MCC: variants seen among roughly 807,000 people sequenced by gnomAD.
The protein encoded by MCC is colorectal mutant cancer protein.
In MCC, 90 loss-of-function variants were observed where a neutral mutation model predicts 116.2. The observed-to-expected ratio is 0.77, with a 90% confidence interval of 0.65 to 0.92. The LOEUF is 0.92. Among genes scored for constraint, MCC ranks in the 40% least tolerant of loss-of-function variants. The pLI is 0.00. For synonymous variants in MCC, 578 were observed against 510.5 expected (o/e 1.13, Z -1.78); for missense variants, 1,516 against 1,312.2 (o/e 1.16, Z -2.40).
intron 14 of MCC, among the ~76,000 whole-genome samples, chr5:113,055,158 G>C (rs1182403305): frequency 6.6e-6 from 1 of 152,200 alleles, no homozygotes; most frequent in African/African-American, 2.4e-5. Flanking sequence ...ACATCAAGTG[G>C]TCAGCCGAGT....
chr5:113,282,460 C>T (rs1387491368), intron 3 of MCC, among the ~76,000 whole-genome samples: 2 of 152,178 alleles, frequency 1.3e-5, no homozygotes, highest in African/African-American at 2.4e-5. Flanking sequence ...TTTTGGAAGT[C>T]GCTCTGTCAA....
In MCC at chr5:113,143,373, G is replaced by T; in HGVS notation, c.742-13C>A. ...GGGACTGCTCGCACTGGGAATAAGG[G>T]AAAAGGACAGAAGTGCTGATGAATT... On this transcript the variant is annotated splice_polypyrimidine_tract_variant and intron_variant, in intron 4 of 18. Transcript: ENST00000408903. 6.2e-7 allele frequency: 1 copy of T among 1,613,432 alleles called. No individual in the cohort carries two copies. The highest frequency in any genetic ancestry group is 8.5e-7 in the Non-Finnish European group (1 of 1,179,856).
chr5:113,479,354 C>G (rs955642675), intron 1 of MCC, among the ~76,000 whole-genome samples: 2 of 152,086 alleles, frequency 1.3e-5, no homozygotes, highest in African/African-American at 4.8e-5. Flanking sequence ...GCACAGGAAA[C>G]TTGTGTTATG....
At chr5:113,105,910 T>A (rs1344262441) in intron 6 of MCC, among the ~76,000 whole-genome samples, 3 of 152,226 alleles carry the variant, frequency 2.0e-5, no homozygotes, top group African/African-American at 4.8e-5. Flanking sequence ...AAGACTGATG[T>A]GCTCAGTTCA....
chr5:113,120,865 C>A (rs1757695203), intron 6 of MCC, among the ~76,000 whole-genome samples: 1 of 152,200 alleles, frequency 6.6e-6, no homozygotes, highest in South Asian at 2.1e-4. Context: ...TGCCTACTGC[C>A]TTCTGAAGCA....
At chr5:113,456,207 C>T (rs1771542650) in intron 1 of MCC, among the ~76,000 whole-genome samples, 1 of 152,148 alleles carries the variant, frequency 6.6e-6, no homozygotes. Context: ...GTTACATAGG[C>T]TGAATTTTAA....
Position 113,064,035 on chromosome 5 carries a change from G to C in MCC, c.2162C>G (p.Ala721Gly). The change falls in exon 14 of 19, where the codon GCC becomes GGC. Residue 721 changes from alanine (A) to glycine (G), a missense_variant. Physicochemically the swap from Ala to Gly is moderately conservative, Grantham distance 60. Coordinates refer to ENST00000408903, the MANE Select transcript of MCC (RefSeq NM_001085377.2). ...DGSCGGAFAV[A>G]GCSVQPWESL... ...CTCCCAGGGCTGCACGCTGCAGCCG[G>C]CCACGGCAAAGGCTCCCCCACAGCT... The C allele has an allele frequency of 6.2e-7, 1 of 1,614,118 alleles. No homozygotes were observed. Among genetic ancestry groups the C allele is most frequent in the Non-Finnish European group, 8.5e-7 (1 of 1,180,032 alleles).
intron 3 of MCC, among the ~76,000 whole-genome samples, chr5:113,234,944 T>C (rs1169322961): frequency 6.6e-6 from 1 of 152,218 alleles, no homozygotes; most frequent in Non-Finnish European, 1.5e-5. Flanking sequence ...ATTAGGATTC[T>C]TGAGTTCGCT....
chr5:113,327,378 C>T (rs1332022196), intron 3 of MCC, among the ~76,000 whole-genome samples: 1 of 151,136 alleles, frequency 6.6e-6, no homozygotes, highest in Non-Finnish European at 1.5e-5. Flanking sequence ...GAAACACTGT[C>T]TCTACTAAAA....
Position 113,434,279 on chromosome 5 carries a change from C to A in MCC, c.171-49067G>T, listed in dbSNP as rs753722056. On this transcript the variant is annotated intron_variant, in intron 1 of 18. Coordinates refer to ENST00000408903, the MANE Select transcript of MCC (RefSeq NM_001085377.2). This position sits in a 1 kb window ranked among gnomAD's most constrained non-coding sequence, Gnocchi z 4.2. ...CCTTGGGCTGGTAGGGAATGCCCTG[C>A]AGCACCTCTGGGGCCGCATACGCTG... is the stretch of plus-strand genomic sequence containing the variant. 73 of 1,614,068 alleles carry A rather than the reference C, an allele frequency of 4.5e-5. No individual in the cohort carries two copies. The highest frequency in any genetic ancestry group is 5.7e-5 in the Non-Finnish European group (67 of 1,180,030).
chr5:113,053,342 C>T (rs894297237), intron 15 of MCC, among the ~76,000 whole-genome samples: 1 of 152,170 alleles, frequency 6.6e-6, no homozygotes, highest in Non-Finnish European at 1.5e-5. Flanking sequence ...CTGGCCTCAC[C>T]CTGTTCTCCC....
intron 3 of MCC, chr5:113,294,290 C>T (rs1238340089): frequency 8.1e-6 from 13 of 1,613,068 alleles, no homozygotes; most frequent in Non-Finnish European, 1.1e-5. Context: ...AAAGCAAACG[C>T]CCGAGAAACC....
intron 3 of MCC, among the ~76,000 whole-genome samples, chr5:113,210,975 T>C (rs1763114115): frequency 1.3e-5 from 2 of 152,204 alleles, no homozygotes; most frequent in South Asian, 2.1e-4. Flanking sequence ...ATTAGCTCAA[T>C]GGAGGTTAGA....
At chr5:113,364,817 T>C (rs1768645698) in intron 2 of MCC, among the ~76,000 whole-genome samples, 1 of 152,212 alleles carries the variant, frequency 6.6e-6, no homozygotes, top group Admixed American at 6.5e-5. Flanking sequence ...TTGCACCTTC[T>C]GGAGCAGTGG....
chr5:113,433,398 C>A (rs545625015), intron 1 of MCC: 27 of 542,626 alleles, frequency 5.0e-5, no homozygotes, highest in South Asian at 4.2e-4. Flanking sequence ...GACAGCGGTG[C>A]CTTCCTGCTG....
intron 3 of MCC, among the ~76,000 whole-genome samples, chr5:113,298,134 G>A (rs182033192): frequency 2.3e-4 from 35 of 152,346 alleles, no homozygotes; most frequent in Non-Finnish European, 2.2e-4. Context: ...AGAGAGGACA[G>A]TGAAAAGAAA....
intron 12 of MCC, among the ~76,000 whole-genome samples, chr5:113,068,680 C>T (rs893101198): frequency 1.8e-4 from 27 of 152,206 alleles, no homozygotes; most frequent in African/African-American, 1.4e-4. Context: ...CCATCCTCCC[C>T]GGAGCAGGCC....
In MCC at chr5:113,034,722, CTG is replaced by C. The variant is rs368486174; in HGVS notation, c.2757-5668_2757-5667del. Among the ~76,000 whole-genome samples, 484 of 152,366 alleles carry C rather than the reference CTG, an allele frequency of 3.2e-3. 4 individuals carry two copies. Among genetic ancestry groups the C allele is most frequent in the Middle Eastern group, 0.02 (6 of 294 alleles). On this transcript the variant is annotated intron_variant, in intron 17 of 18. Coordinates refer to ENST00000408903, the MANE Select transcript of MCC (RefSeq NM_001085377.2). ...CCATTTACTTTTAACCCGTCAGGCT[CTG>C]TCTCCACTGACGTGGATCACTGAGC...
intron 3 of MCC, among the ~76,000 whole-genome samples, chr5:113,191,051 A>G (rs1394341025): frequency 6.6e-6 from 1 of 152,182 alleles, no homozygotes; most frequent in Non-Finnish European, 1.5e-5. Context: ...GATTATATAG[A>G]TGACTTAAAA....
Sources: gnomAD v4.1 joint callset for allele counts (sites outside exome capture counted in the v4.1 genomes callset) on GRCh38, gnomAD v4.1.1 for gene constraint, Gnocchi (gnomAD v3.1) non-coding constraint, MANE v1.5 for transcripts, NCBI Gene and HGNC (gene_info 2026-07-23, HGNC 2026-07-21) for gene names.